SLCO4C1: variants seen among roughly 807,000 people sequenced by gnomAD.
The protein encoded by SLCO4C1 is solute carrier organic anion transporter family member 4C1, also known as organic anion transporter M1.
In SLCO4C1, 58 loss-of-function variants were observed where a neutral mutation model predicts 72.1. The ratio of observed to expected loss-of-function variants is 0.80; its 90% CI spans 0.65 to 1.00. The LOEUF (loss-of-function observed/expected upper bound fraction) is 1.00. Among genes scored for constraint, SLCO4C1 ranks in the 50% least tolerant of loss-of-function variants. The probability of loss-of-function intolerance (pLI) is 0.00; values close to 1 mark genes in which losing one functional copy is unlikely to be tolerated. For synonymous variants in SLCO4C1, 297 were observed against 312.5 expected, an observed-to-expected ratio of 0.95 and a Z score of 0.52; for missense variants, 898 against 857.9, an observed-to-expected ratio of 1.05 and a Z score of -0.58.
intron 11 of SLCO4C1, among the ~76,000 whole-genome samples, chr5:102,240,433 G>T (rs1027532569): frequency 1.9e-4 from 29 of 152,046 alleles, no homozygotes; most frequent in African/African-American, 7.0e-4. Context: ...AGAGAGAAAA[G>T]AAATTATGTG....
At chr5:102,260,805 T>A (rs903305965) in intron 5 of SLCO4C1, among the ~76,000 whole-genome samples, 1 of 152,122 alleles carries the variant, frequency 6.6e-6, no homozygotes, top group African/African-American at 2.4e-5. Context: ...TATTACCATG[T>A]CCCTTTGATT....
In SLCO4C1 at chr5:102,256,660, T is replaced by C. The variant is rs191855712; in HGVS notation, c.1469+455A>G. Among the ~76,000 whole-genome samples, 119 of 152,378 alleles carry C rather than the reference T, an allele frequency of 7.8e-4. 1 individual carries two copies. Among genetic ancestry groups the C allele is most frequent in the Admixed American group, 3.5e-3 (53 of 15,304 alleles). On this transcript the variant is annotated intron_variant, in intron 8 of 12. Transcript: ENST00000310954. ...CAATAAACATAAACTTCTAAGTAGA[T>C]ACAATAATGGTAAGTATTAGCAAGG...
At chr5:102,273,542 G>T (rs1463623438) in intron 2 of SLCO4C1, among the ~76,000 whole-genome samples, 1 of 152,014 alleles carries the variant, frequency 6.6e-6, no homozygotes, top group Non-Finnish European at 1.5e-5. Context: ...GGCAGTAAAG[G>T]GATGCCAAAA....
rs1040849150 is a variant in SLCO4C1, at chr5:102,234,483, C to T, written c.*2375G>A. On this transcript the variant is annotated 3_prime_UTR_variant, in exon 13 of 13. Transcript: ENST00000310954. Reference sequence around the variant, plus strand: ...TTCAGTCTAACCATTTTCATTAAAGCGCTTATTTAAAAAGTATCACCTTAT... The same window carrying T: ...TTCAGTCTAACCATTTTCATTAAAGTGCTTATTTAAAAAGTATCACCTTAT... 8 of 152,510 alleles carry T rather than the reference C, an allele frequency of 5.2e-5. No individual in the cohort carries two copies. The highest frequency in any genetic ancestry group is 1.2e-4 in the African/African-American group (5 of 41,408). The allele number at this position is 152,510 out of a possible 1,614,324, so 9.4% of individuals were successfully genotyped here.
intron 8 of SLCO4C1, among the ~76,000 whole-genome samples, chr5:102,256,146 G>T (rs1003035140): frequency 1.3e-5 from 2 of 152,088 alleles, no homozygotes; most frequent in Non-Finnish European, 1.5e-5. Context: ...AGATGTTGCC[G>T]TGAGCCAAGA....
intron 10 of SLCO4C1, among the ~76,000 whole-genome samples, chr5:102,244,251 T>C (rs1488236820): frequency 1.3e-5 from 2 of 152,130 alleles, no homozygotes; most frequent in Non-Finnish European, 2.9e-5. Context: ...TATTGAATAA[T>C]GCATCAGAGT....
intron 5 of SLCO4C1, among the ~76,000 whole-genome samples, 155 bp from the exon 6 acceptor site, chr5:102,260,474 C>G (rs1040143821): frequency 6.7e-6 from 1 of 150,304 alleles, no homozygotes; most frequent in African/African-American, 2.4e-5. Context: ...CATACTTCCA[C>G]TAGTATATAA....
intron 12 of SLCO4C1, 89 bp downstream of exon 12, chr5:102,239,158 CAAAA>C: frequency 8.3e-7 from 1 of 1,208,170 alleles, no homozygotes; most frequent in Non-Finnish European, 1.1e-6. Context: ...CTGAACATTT[CAAAA>C]TACCTGTGAC....
In SLCO4C1 at chr5:102,249,572, T is replaced by C; in HGVS notation, c.1620+66A>G. On this transcript the variant is annotated intron_variant, in intron 9 of 12. Transcript: ENST00000310954. ...AAGAATAGGCATTGCATAACCCCAT[T>C]AGAGAAGTCAAGATAATCCACAAAC... The C allele has an allele frequency of 5.1e-6, 8 of 1,561,012 alleles. 1 individual carries two copies. The South Asian group carries it at 6.8e-5, about 13-fold the overall frequency.
At chr5:102,247,571 G>C (rs530331937) in intron 9 of SLCO4C1, 129 bp from the exon 10 acceptor site, 2 of 521,560 alleles carry the variant, frequency 3.8e-6, no homozygotes, top group Admixed American at 7.8e-5. Context: ...ATTATGCTGA[G>C]AGAATATTTA....
Position 102,296,144 on chromosome 5 carries a change from T to TG in SLCO4C1, c.118dup (p.Gln40ProfsTer45). Reference sequence around the variant, plus strand: ...CTCCTGTGGCTGAGAATTCTCTCTTTGGGGGTCAGAGGACAAGGCAGAGAC... The same window carrying TG: ...CTCCTGTGGCTGAGAATTCTCTCTTTGGGGGGTCAGAGGACAAGGCAGAGAC... On this transcript the variant is annotated frameshift_variant, in exon 1 of 13. Transcript: ENST00000310954. LOFTEE classifies it high-confidence loss of function. The TG allele has an allele frequency of 6.2e-7, 1 of 1,613,996 alleles. No individual in the cohort carries two copies. Among genetic ancestry groups the TG allele is most frequent in the Non-Finnish European group, 8.5e-7 (1 of 1,179,944 alleles).
At chr5:102,287,530 A>ACTT (rs1235315808) in intron 2 of SLCO4C1, among the ~76,000 whole-genome samples, 2 of 132,532 alleles carry the variant, frequency 1.5e-5, no homozygotes, top group Non-Finnish European at 3.2e-5. Context: ...AGGTTTTTTC[A>ACTT]CTTCTTTTTT....
chr5:102,287,996 TCA>T (rs370758428), intron 2 of SLCO4C1, among the ~76,000 whole-genome samples: 87 of 152,140 alleles, frequency 5.7e-4, no homozygotes, highest in Middle Eastern at 3.4e-3. Flanking sequence ...TTAAGAAAAA[TCA>T]CAGGGGAAAA....
chr5:102,266,048 T>C (rs888162469), intron 3 of SLCO4C1, among the ~76,000 whole-genome samples: 50 of 152,304 alleles, frequency 3.3e-4, no homozygotes, highest in African/African-American at 1.1e-3. Context: ...TTTGTTCCTA[T>C]GTATTTCTTT....
intron 7 of SLCO4C1, 36 bp from the exon 8 acceptor site, chr5:102,257,346 A>G: frequency 6.7e-7 from 1 of 1,491,578 alleles, no homozygotes; most frequent in Non-Finnish European, 9.0e-7. Context: ...GTGAGAAACC[A>G]TACACATATA....
intron 3 of SLCO4C1, 75 bp downstream of exon 3, chr5:102,270,549 A>G: frequency 4.6e-6 from 6 of 1,315,142 alleles, no homozygotes; most frequent in Non-Finnish European, 4.1e-6. Flanking sequence ...TAGTAAGCCT[A>G]TGTTATACTT....
At chr5:102,244,387 C>CA (rs1748600997) in intron 10 of SLCO4C1, among the ~76,000 whole-genome samples, 1 of 152,046 alleles carries the variant, frequency 6.6e-6, no homozygotes, top group South Asian at 2.1e-4. Context: ...ATGCCTACAG[C>CA]ATCTAGAAAA....
At chr5:102,241,650 T>A (rs1748542011) in intron 10 of SLCO4C1, among the ~76,000 whole-genome samples, 1 of 149,408 alleles carries the variant, frequency 6.7e-6, no homozygotes, top group South Asian at 2.1e-4. Context: ...GGAATAAATA[T>A]TTTAAAATAT....
rs1030324842 is a variant in SLCO4C1 at position 102,236,016 on chromosome 5, A to G, written c.*842T>C. On this transcript the variant is annotated 3_prime_UTR_variant, in exon 13 of 13. Coordinates refer to ENST00000310954, the MANE Select transcript of SLCO4C1 (RefSeq NM_180991.5). ...AAATAGGAAAAATTAAAGGTATATAAGTATTGATCAATAGTTTCATGTTTA... is the reference window on the plus strand; with the variant it reads ...AAATAGGAAAAATTAAAGGTATATAGGTATTGATCAATAGTTTCATGTTTA... 5 of 152,212 alleles carry G rather than the reference A, an allele frequency of 3.3e-5. No individual in the cohort carries two copies. Among genetic ancestry groups the G allele is most frequent in the Admixed American group, 3.3e-4 (5 of 15,278 alleles). 9.4% of individuals were successfully genotyped at this position (152,212 alleles called of 1,614,324 possible). A position where few individuals can be genotyped will look rare whatever the true frequency, so the allele number is the denominator to read the frequency against.
Sources: gnomAD v4.1 joint callset for allele counts (sites outside exome capture counted in the v4.1 genomes callset) on GRCh38, gnomAD v4.1.1 for gene constraint, MANE v1.5 for transcripts, NCBI Gene and HGNC (gene_info 2026-07-23, HGNC 2026-07-21) for gene names.